The following ZNF721 variants were observed in gnomAD, a reference collection of about 807,000 sequenced individuals.
ZNF721 encodes the protein zinc finger protein 721.
Under a neutral mutation model 2.4 loss-of-function variants are expected in ZNF721, and 2 were observed. That is an observed-to-expected ratio of 0.82 (90% CI 0.34 to 2.58). The LOEUF (loss-of-function observed/expected upper bound fraction) is 2.58. Among genes scored for constraint, ZNF721 ranks in the 30% most tolerant of loss-of-function variants. The pLI is 0.11. For synonymous variants in ZNF721, 398 were observed against 381.8 expected, an observed-to-expected ratio of 1.04 and a Z score of -0.50; for missense variants, 1,187 against 1,085.5, an observed-to-expected ratio of 1.09 and a Z score of -1.31.
intron 1 of ZNF721, among the ~76,000 whole-genome samples, chr4:482,580 T>G (rs1715797805): frequency 1.3e-5 from 2 of 151,554 alleles, no homozygotes. Flanking sequence ...CACTGCAACC[T>G]CTGCCTCCCA....
At chr4:457,229 A>G (rs1225631519) in intron 2 of ZNF721, among the ~76,000 whole-genome samples, 1 of 152,236 alleles carries the variant, frequency 6.6e-6, no homozygotes, top group Non-Finnish European at 1.5e-5. Flanking sequence ...AGAATGTATC[A>G]GAAACTGAAA....
At chr4:464,802 G>C (rs1553866517) in intron 2 of ZNF721, among the ~76,000 whole-genome samples, 1 of 152,122 alleles carries the variant, frequency 6.6e-6, no homozygotes, top group East Asian at 1.9e-4. Context: ...AGCTGGGGCT[G>C]GGCGCGGTGG....
At chr4:474,977 C>G (rs1030734199) in intron 1 of ZNF721, among the ~76,000 whole-genome samples, 1 of 151,268 alleles carries the variant, frequency 6.6e-6, no homozygotes, top group African/African-American at 2.4e-5. Context: ...TCACGAGGTC[C>G]GGAGATCGAG....
intron 2 of ZNF721, among the ~76,000 whole-genome samples, chr4:445,398 C>G (rs1427976490): frequency 6.6e-6 from 1 of 152,070 alleles, no homozygotes; most frequent in African/African-American, 2.4e-5. Context: ...ATAATCTCTA[C>G]CAAAGACAAC....
intron 2 of ZNF721, among the ~76,000 whole-genome samples, chr4:447,536 T>C (rs1714516041): frequency 6.6e-6 from 1 of 151,878 alleles, no homozygotes; most frequent in Non-Finnish European, 1.5e-5. Flanking sequence ...CAATAAAACG[T>C]GTAAGTCTAT....
At chr4:487,819 C>G (rs1163434915) in intron 1 of ZNF721, among the ~76,000 whole-genome samples, 1 of 152,140 alleles carries the variant, frequency 6.6e-6, no homozygotes, top group Admixed American at 6.5e-5. Flanking sequence ...AACCTAAAGC[C>G]AGTTAACGTG....
chr4:454,108 A>T (rs1470848463), intron 2 of ZNF721: 1 of 152,200 alleles, frequency 6.6e-6, no homozygotes, highest in Non-Finnish European at 1.5e-5. Context: ...TCCTACTTTA[A>T]TAACACATTA....
intron 1 of ZNF721, 57 bp from the exon 2 acceptor site, chr4:472,758 T>G (rs1174075623): frequency 6.3e-7 from 1 of 1,599,672 alleles, no homozygotes; most frequent in Non-Finnish European, 8.5e-7. Context: ...AGGTGAAATG[T>G]GTTAAGAGAA....
chr4:473,828 G>A (rs1715541583), intron 1 of ZNF721, among the ~76,000 whole-genome samples: 2 of 152,246 alleles, frequency 1.3e-5, no homozygotes, highest in African/African-American at 2.4e-5. Context: ...GACCCCGACA[G>A]GAGCGCGGGT....
chr4:454,122 C>T (rs1216169918), intron 2 of ZNF721: 2 of 152,232 alleles, frequency 1.3e-5, no homozygotes, highest in Non-Finnish European at 2.9e-5. Flanking sequence ...CACATTAGTA[C>T]ACTATGATTA....
At chr4:453,509 A>T (rs1462234657) in intron 2 of ZNF721, 3 of 152,224 alleles carry the variant, frequency 2.0e-5, no homozygotes, top group Non-Finnish European at 4.4e-5. Flanking sequence ...ACAACTGCAA[A>T]CTTGAATGTG....
rs1211523088 is a variant in ZNF721, at chr4:480,833, G to T, written c.-93-8132C>A. Among the ~76,000 whole-genome samples, 9 of 138,140 alleles carry T rather than the reference G, an allele frequency of 6.5e-5. 2 individuals carry two copies. Among genetic ancestry groups the T allele is most frequent in the African/African-American group, 2.1e-4 (8 of 37,656 alleles). The allele number at this position is 138,140 out of a possible 152,430, so 90.6% of individuals were successfully genotyped here. A position where few individuals can be genotyped will look rare whatever the true frequency, so the allele number is the denominator to read the frequency against. ...AGCTTTCACCTTTTGTGGGGGGGGG[G>T]GGAATGCTGTTATACACATGTGTGT... On this transcript the variant is annotated intron_variant, in intron 1 of 2. Transcript: ENST00000511833.
intron 2 of ZNF721, among the ~76,000 whole-genome samples, chr4:471,032 C>T (rs1715417102): frequency 1.3e-5 from 2 of 151,544 alleles, no homozygotes; most frequent in Non-Finnish European, 2.9e-5. Flanking sequence ...TATCCATATC[C>T]AAAATGTTTA....
rs782467189 is a variant in ZNF721 at position 441,713 on chromosome 4, A to G, written c.2754T>C (p.Asp918=). 1.1e-5 allele frequency: 18 copies of G among 1,609,174 alleles called. No homozygotes were observed. Among genetic ancestry groups the G allele is most frequent in the Admixed American group, 1.7e-5 (1 of 59,174 alleles). The change falls in exon 3 of 3, where the codon GAT becomes GAC. Residue 918 remains aspartate, a synonymous_variant. Transcript: ENST00000511833. ...LYAHKKIHTG[D]KTIQV is the part of the protein sequence containing the mutation. ...ACATTCTTTACACTTGTATGGTTTT[A>G]TCTCCAGTATGAATTTTCTTATGTG...
intron 1 of ZNF721, among the ~76,000 whole-genome samples, chr4:494,412 T>C (rs1447750061): frequency 6.6e-6 from 1 of 152,012 alleles, no homozygotes; most frequent in African/African-American, 2.4e-5. Flanking sequence ...GGTCTCGATC[T>C]CCCGACCTCG....
At position 442,316 on chromosome 4, in the gene ZNF721, T is replaced by C. The variant is rs782396569; in HGVS notation, c.2151A>G (p.Arg717=). 6.2e-7 allele frequency: 1 copy of C among 1,613,768 alleles called. No homozygotes were observed. The stretch of plus-strand genomic sequence containing the variant: ...TGTAGGGTTTCTCCCTAGTGTGAAC[T>C]CTCCTATGTGTAGTAAGGTTTCTTG... The part of the protein sequence containing the change: ...SRSRNLTTHR[R]VHTREKPYKC... The change falls in exon 3 of 3, where the codon AGA becomes AGG. Residue 717 remains arginine (R), a synonymous_variant. Coordinates refer to ENST00000511833, the MANE Select transcript of ZNF721 (RefSeq NM_133474.4).
intron 2 of ZNF721, among the ~76,000 whole-genome samples, chr4:446,640 A>G (rs1287396058): frequency 6.6e-6 from 1 of 151,908 alleles, no homozygotes; most frequent in Non-Finnish European, 1.5e-5. Flanking sequence ...CAGCCTCCAA[A>G]AGTGCTGGGA....
chr4:441,343 G>C lies in ZNF721; in HGVS notation c.*352C>G. On this transcript the variant is annotated 3_prime_UTR_variant, in exon 3 of 3. Coordinates refer to ENST00000511833, the MANE Select transcript of ZNF721 (RefSeq NM_133474.4). ...ATACTATCATGTGCAAAAATGCTAA[G>C]CATTGGTTACAAGTTTTGCCACATT... The C allele has an allele frequency of 1.1e-5, 2 of 185,382 alleles. No individual in the cohort carries two copies. Among genetic ancestry groups the C allele is most frequent in the Non-Finnish European group, 2.3e-5 (2 of 88,880 alleles). 11.5% of individuals were successfully genotyped at this position (185,382 alleles called of 1,614,324 possible).
Position 442,454 on chromosome 4 carries a change from A to G in ZNF721, c.2013T>C (p.Cys671=), listed in dbSNP as rs200481738. The G allele has an allele frequency of 2.7e-5, 44 of 1,613,922 alleles. No individual in the cohort carries two copies. In the African/African-American group the frequency reaches 4.8e-4, roughly 18 times the overall value. The change falls in exon 3 of 3, where the codon TGT becomes TGC. Residue 671 remains cysteine, a synonymous_variant. Transcript: ENST00000511833. ...ATCCAAAGGCTTTGCCACACTCTTCACATTTGTAACTTTGCTCTCCAGTAA... is the reference window on the plus strand; with the variant it reads ...ATCCAAAGGCTTTGCCACACTCTTCGCATTTGTAACTTTGCTCTCCAGTAA... The part of the protein sequence containing the change: ...KILTGEQSYK[C]EECGKAFGWS...
Sources: gnomAD v4.1 joint callset for allele counts (sites outside exome capture counted in the v4.1 genomes callset) on GRCh38, gnomAD v4.1.1 for gene constraint, MANE v1.5 for transcripts, NCBI Gene and HGNC (gene_info 2026-07-23, HGNC 2026-07-21) for gene names.